The following DHX32 variants were observed in gnomAD, a reference collection of about 807,000 sequenced individuals.
DHX32 encodes the protein putative pre-mRNA-splicing factor ATP-dependent RNA helicase DHX32.
Under a neutral mutation model 70.0 loss-of-function variants are expected in DHX32, and 51 were observed. The observed-to-expected ratio is 0.73, with a 90% CI of 0.58 to 0.92. The LOEUF is 0.92. Among genes scored for constraint, DHX32 ranks in the 40% least tolerant of loss-of-function variants. The pLI is 0.00. For missense variants in DHX32, 762 were observed against 891.8 expected (o/e 0.85, Z 1.85); for synonymous variants, 310 against 315.3 (o/e 0.98, Z 0.18).
In DHX32 at chr10:125,876,810, A is replaced by G. The variant is rs188235863; in HGVS notation, c.282+3733T>C. Among the ~76,000 whole-genome samples, 384 of 152,316 alleles carry G rather than the reference A, an allele frequency of 2.5e-3. 1 individual carries two copies. Among genetic ancestry groups the G allele is most frequent in the African/African-American group, 8.7e-3 (362 of 41,570 alleles). On this transcript the variant is annotated intron_variant, in intron 1 of 10. Coordinates refer to ENST00000284690, the MANE Select transcript of DHX32 (RefSeq NM_018180.3). ...TTAGATTGGATTTTGGACCAGAAAA[A>G]CAATTTTTTTCAGTGATTATAAAGG...
intron 10 of DHX32, among the ~76,000 whole-genome samples, chr10:125,837,889 T>C (rs1854746674): frequency 6.6e-6 from 1 of 152,214 alleles, no homozygotes; most frequent in South Asian, 2.1e-4. Context: ...GCAGTGGCTC[T>C]TGAAAGATGG....
At chr10:125,861,081 G>A (rs868475896) in intron 2 of DHX32, among the ~76,000 whole-genome samples, 2 of 151,930 alleles carry the variant, frequency 1.3e-5, no homozygotes, top group South Asian at 2.1e-4. Context: ...ACCCATTTAA[G>A]GTATTTACTT....
intron 2 of DHX32, among the ~76,000 whole-genome samples, chr10:125,862,548 T>G (rs1944196720): frequency 1.3e-5 from 2 of 151,946 alleles, no homozygotes; most frequent in Admixed American, 1.3e-4. Flanking sequence ...TGCTGCCCCA[T>G]AAGATTGAGG....
At chr10:125,864,694 C>A (rs986360638) in intron 2 of DHX32, among the ~76,000 whole-genome samples, 1 of 151,842 alleles carries the variant, frequency 6.6e-6, no homozygotes, top group Non-Finnish European at 1.5e-5. Context: ...TTTCAAAGGC[C>A]GAGGCCAGCA....
chr10:125,838,331 A>G lies in DHX32; in HGVS notation c.1938T>C (p.Val646=). ...GNYLMLTHKQ[V]AQLHPLSGYS... Reference sequence around the variant, plus strand: ...AACCAGACAGGGGATGCAGCTGAGCAACCTGCTTATGTGTCAGCATTAAGT... The same window carrying G: ...AACCAGACAGGGGATGCAGCTGAGCGACCTGCTTATGTGTCAGCATTAAGT... The change falls in exon 10 of 11, where the codon GTT becomes GTC. Residue 646 remains valine, a synonymous_variant. Coordinates refer to ENST00000284690, the MANE Select transcript of DHX32 (RefSeq NM_018180.3). 1.2e-6 allele frequency: 2 copies of G among 1,613,796 alleles called. No homozygotes were observed. The highest frequency in any genetic ancestry group is 1.1e-5 in the South Asian group (1 of 90,942).
chr10:125,851,920 C>CAAAAAAAAAAAAA (rs56380138), intron 6 of DHX32, among the ~76,000 whole-genome samples: 23 of 86,742 alleles, frequency 2.7e-4, no homozygotes, highest in East Asian at 6.9e-4. Flanking sequence ...GACCCTGTCT[C>CAAAAAAAAAAAAA]AAAAAAAAAA....
rs143353901 is a variant in DHX32 at position 125,880,760 on chromosome 10, A to T, written c.65T>A (p.Leu22Gln). 6.2e-7 allele frequency: 1 copy of T among 1,614,094 alleles called. No homozygotes were observed. The highest frequency in any genetic ancestry group is 8.5e-7 in the Non-Finnish European group (1 of 1,180,048). ...TTCCTCATCCCCATCGCTGGAATCC[A>T]GGGATTCAGGAAAATAGCGTTTTTC... ...SSEKRYFPES[L>Q]DSSDGDEEEV... is the part of the protein sequence containing the mutation. Residue 22 changes from leucine (L) to glutamine (Q), a missense_variant, in exon 1 of 11, where the codon CTG (leucine) becomes CAG (glutamine). Leu to Gln is a moderately radical substitution (Grantham distance 113). Coordinates refer to ENST00000284690, the MANE Select transcript of DHX32 (RefSeq NM_018180.3).
chr10:125,862,865 CAAAA>C (rs930452591), intron 2 of DHX32, among the ~76,000 whole-genome samples: 1 of 136,232 alleles, frequency 7.3e-6, no homozygotes, highest in Non-Finnish European at 1.6e-5. Flanking sequence ...CAAAACAAAG[CAAAA>C]AAAAAAACTA....
Position 125,836,890 on chromosome 10 carries a change from TG to T in DHX32, c.2064-36del, listed in dbSNP as rs771329770. ...TAAGACAAAAAGATGAGATTATGAG[TG>T]GGGAAGGTGGTGAGAGACACCAAAC... is the stretch of plus-strand genomic sequence containing the variant. On this transcript the variant is annotated intron_variant, in intron 10 of 10. Transcript: ENST00000284690. The T allele has an allele frequency of 1.9e-6, 3 of 1,595,288 alleles. No individual in the cohort carries two copies. In the African/African-American group the frequency reaches 4.0e-5, roughly 21 times the overall value.
intron 10 of DHX32, 89 bp downstream of exon 10, chr10:125,838,117 G>C: frequency 1.6e-6 from 2 of 1,271,986 alleles, no homozygotes; most frequent in Non-Finnish European, 2.1e-6. Flanking sequence ...ATAAACTTTA[G>C]AACTAAGAAT....
intron 6 of DHX32, among the ~76,000 whole-genome samples, chr10:125,850,419 G>A (rs560190131): frequency 8.8e-5 from 13 of 147,440 alleles, no homozygotes; most frequent in Middle Eastern, 3.4e-3. Flanking sequence ...GTGCAATGGC[G>A]CAATCTTGGT....
At chr10:125,855,976 A>C (rs1407728229) in intron 3 of DHX32, among the ~76,000 whole-genome samples, 1 of 152,324 alleles carries the variant, frequency 6.6e-6, no homozygotes. Flanking sequence ...GAATTTTTAA[A>C]ATCTTCAGAA....
chr10:125,890,086 C>T (rs1435445026), intron 1 of DHX32, among the ~76,000 whole-genome samples: 12 of 151,606 alleles, frequency 7.9e-5, no homozygotes, highest in African/African-American at 2.7e-4. Flanking sequence ...TAAAAATAGG[C>T]TCACGTTGCA....
rs1417855608 is a variant in DHX32, at chr10:125,872,153, C to T, written c.283-4970G>A. Among the ~76,000 whole-genome samples the T allele has an allele frequency of 2.6e-5, 4 of 152,176 alleles. No homozygotes were observed. The East Asian group carries it at 7.7e-4, about 29-fold the overall frequency. ...CTGGGATTACAGGTGTGAGCCACAACACCTGGCCTAACTTTTCTGGGTACT... is the reference window on the plus strand; with the variant it reads ...CTGGGATTACAGGTGTGAGCCACAATACCTGGCCTAACTTTTCTGGGTACT... On this transcript the variant is annotated intron_variant, in intron 1 of 10. Coordinates refer to ENST00000284690, the MANE Select transcript of DHX32 (RefSeq NM_018180.3).
chr10:125,851,383 G>A (rs956251357), intron 6 of DHX32, among the ~76,000 whole-genome samples: 2 of 152,154 alleles, frequency 1.3e-5, no homozygotes, highest in Non-Finnish European at 2.9e-5. Flanking sequence ...AGCACAGAGG[G>A]TGACTATTGA....
At chr10:125,889,866 T>A (rs1944359667) in intron 1 of DHX32, among the ~76,000 whole-genome samples, 1 of 152,306 alleles carries the variant, frequency 6.6e-6, no homozygotes, top group Non-Finnish European at 1.5e-5. Flanking sequence ...GAGGGTTTAC[T>A]TTATTATTTC....
chr10:125,865,430 G>T (rs1468866413), intron 2 of DHX32, among the ~76,000 whole-genome samples: 1 of 152,206 alleles, frequency 6.6e-6, no homozygotes, highest in Non-Finnish European at 1.5e-5. Context: ...ATGGTCTAAA[G>T]ACTTTCCCCT....
intron 6 of DHX32, chr10:125,842,374 C>T (rs1213480969): frequency 4.5e-5 from 7 of 154,968 alleles, no homozygotes; most frequent in African/African-American, 1.7e-4. Flanking sequence ...TAAGGAACCA[C>T]CTCAGGCCAG....
upstream of DHX32, among the ~76,000 whole-genome samples, chr10:125,883,828 C>T (rs80311397): frequency 8.6e-3 from 1,306 of 152,238 alleles, 20 homozygotes; most frequent in African/African-American, 0.027. Flanking sequence ...CAGATGTCTC[C>T]GAAATCTACA....
Sources: gnomAD v4.1 joint callset for allele counts (sites outside exome capture counted in the v4.1 genomes callset) on GRCh38, gnomAD v4.1.1 for gene constraint, MANE v1.5 for transcripts, NCBI Gene and HGNC (gene_info 2026-07-23, HGNC 2026-07-21) for gene names.